Variants in ROBO2 observed in about 807,000 individuals in gnomAD.
ROBO2 encodes the protein roundabout homolog 2.
A neutral mutation model predicts 160.8 loss-of-function variants in ROBO2; 53 were observed. The observed-to-expected ratio is 0.33, with a 90% CI of 0.26 to 0.41. The LOEUF (loss-of-function observed/expected upper bound fraction) is 0.41. Among genes scored for constraint, ROBO2 ranks in the 10% least tolerant of loss-of-function variants. The pLI, the probability that ROBO2 is intolerant of heterozygous loss-of-function variation, is 1.00. For synonymous variants in ROBO2, 664 were observed against 611.7 expected, an observed-to-expected ratio of 1.09 and a Z score of -1.26; for missense variants, 1,577 against 1,722.4, an observed-to-expected ratio of 0.92 and a Z score of 1.49.
intron 2 of ROBO2, among the ~76,000 whole-genome samples, chr3:77,138,682 G>GT (rs35709141): frequency 0.34 from 51,807 of 151,994 alleles, 9,859 homozygotes; most frequent in Middle Eastern, 0.47. Context: ...TTAATGTTCC[G>GT]TTTTAGTTCT....
chr3:77,155,377 G>A (rs975588908), intron 2 of ROBO2, among the ~76,000 whole-genome samples: 8 of 152,080 alleles, frequency 5.3e-5, no homozygotes, highest in African/African-American at 1.9e-4. Context: ...GGGGATAAGG[G>A]ATCAGAGTCA....
At chr3:77,106,810 T>C (rs996530073) in intron 2 of ROBO2, among the ~76,000 whole-genome samples, 1 of 152,228 alleles carries the variant, frequency 6.6e-6, no homozygotes, top group Non-Finnish European at 1.5e-5. Flanking sequence ...AAAATACTTA[T>C]ACATTTTTGT....
At chr3:76,016,095 TGAG>T (rs1189916679) in intron 2 of ROBO2, among the ~76,000 whole-genome samples, 1 of 152,110 alleles carries the variant, frequency 6.6e-6, no homozygotes, top group African/African-American at 2.4e-5. Flanking sequence ...TACCTAGAAA[TGAG>T]GAGCATTGCA....
chr3:76,739,266 G>A (rs9756526), intron 2 of ROBO2, among the ~76,000 whole-genome samples: 18 of 152,130 alleles, frequency 1.2e-4, no homozygotes, highest in Non-Finnish European at 2.6e-4. Flanking sequence ...TTAAGAAAAT[G>A]TGGCACATTT....
chr3:76,786,992 A>G (rs1484387710), intron 2 of ROBO2, among the ~76,000 whole-genome samples: 2 of 151,348 alleles, frequency 1.3e-5, no homozygotes, highest in Non-Finnish European at 3.0e-5. Flanking sequence ...TGAATGAGAA[A>G]CAAGCACATC....
intron 2 of ROBO2, among the ~76,000 whole-genome samples, chr3:76,319,670 G>C (rs1210077341): frequency 6.6e-6 from 1 of 151,370 alleles, no homozygotes. Flanking sequence ...CATTGAACCT[G>C]TTCTTCAAAT....
intron 2 of ROBO2, among the ~76,000 whole-genome samples, chr3:76,966,420 A>G (rs1449759652): frequency 1.3e-5 from 2 of 152,232 alleles, no homozygotes; most frequent in Non-Finnish European, 2.9e-5. Flanking sequence ...ACAATTTCCC[A>G]AAATCATAAG....
intron 2 of ROBO2, among the ~76,000 whole-genome samples, chr3:76,190,975 A>G (rs1056621744): frequency 1.3e-5 from 2 of 152,132 alleles, no homozygotes; most frequent in African/African-American, 4.8e-5. Context: ...TTAATTTAAA[A>G]CATTTTAAAG....
At chr3:77,354,773 G>T (rs1428686152) in intron 2 of ROBO2, among the ~76,000 whole-genome samples, 2 of 152,164 alleles carry the variant, frequency 1.3e-5, no homozygotes, top group African/African-American at 4.8e-5. Flanking sequence ...GCTTGGCATG[G>T]TTTGGAAAGA....
At chr3:77,164,631 C>A (rs1373081145) in intron 2 of ROBO2, among the ~76,000 whole-genome samples, 2 of 122,992 alleles carry the variant, frequency 1.6e-5, no homozygotes, top group African/African-American at 3.1e-5. Context: ...AGCCCCTCTG[C>A]CCGGCCAGCC....
chr3:77,390,921 C>T (rs952584496), intron 2 of ROBO2, among the ~76,000 whole-genome samples: 1 of 151,956 alleles, frequency 6.6e-6, no homozygotes, highest in African/African-American at 2.4e-5. Context: ...TGCAGGTAAG[C>T]GAATGAAAGT....
At chr3:76,380,078 T>C (rs1414490682) in intron 2 of ROBO2, among the ~76,000 whole-genome samples, 1 of 152,178 alleles carries the variant, frequency 6.6e-6, no homozygotes, top group Non-Finnish European at 1.5e-5. Context: ...ATATGCCATA[T>C]CTAGGTGGGC....
chr3:76,675,182 T>C (rs2092376178), intron 2 of ROBO2, among the ~76,000 whole-genome samples: 1 of 152,192 alleles, frequency 6.6e-6, no homozygotes, highest in Non-Finnish European at 1.5e-5. Flanking sequence ...AACATGCCTC[T>C]GCAAATGTCC....
At chr3:75,925,401 T>C (rs1947254128) in intron 1 of ROBO2, among the ~76,000 whole-genome samples, 2 of 151,960 alleles carry the variant, frequency 1.3e-5, no homozygotes, top group South Asian at 4.2e-4. Flanking sequence ...ATTCAATAAA[T>C]AGATAAATAA....
At chr3:77,639,011 G>A (rs1019620197) in intron 24 of ROBO2, among the ~76,000 whole-genome samples, 1 of 151,612 alleles carries the variant, frequency 6.6e-6, no homozygotes, top group Non-Finnish European at 1.5e-5. Flanking sequence ...TTTTTGGTAG[G>A]TAGGGACAGG....
At chr3:77,077,967 G>A (rs1465009612) in intron 1 of ROBO2, among the ~76,000 whole-genome samples, 1 of 151,972 alleles carries the variant, frequency 6.6e-6, no homozygotes, top group Non-Finnish European at 1.5e-5. Context: ...ACTCAAGTCT[G>A]CCCCCCAGCA....
intron 1 of ROBO2, among the ~76,000 whole-genome samples, chr3:77,063,963 A>G (rs1451705320): frequency 6.6e-6 from 1 of 152,204 alleles, no homozygotes; most frequent in African/African-American, 2.4e-5. Context: ...AAGAACATTC[A>G]TAATAAACAC....
At chr3:76,089,383 A>T (rs1274624622) in intron 2 of ROBO2, among the ~76,000 whole-genome samples, 1 of 152,120 alleles carries the variant, frequency 6.6e-6, no homozygotes, top group Non-Finnish European at 1.5e-5. Flanking sequence ...TTATAAGAAA[A>T]GCAAACTACA....
chr3:77,396,012 T>C (rs2075249301), intron 2 of ROBO2, among the ~76,000 whole-genome samples: 1 of 151,640 alleles, frequency 6.6e-6, no homozygotes, highest in Non-Finnish European at 1.5e-5. Context: ...GATATCCAAA[T>C]AACCAATAAA....
Sources: gnomAD v4.1 joint callset for allele counts (sites outside exome capture counted in the v4.1 genomes callset) on GRCh38, gnomAD v4.1.1 for gene constraint, MANE v1.5 for transcripts, NCBI Gene and HGNC (gene_info 2026-07-23, HGNC 2026-07-21) for gene names.